Variants in HDAC9 observed in about 807,000 individuals in gnomAD.
HDAC9 encodes histone deacetylase 9.
Under a neutral mutation model 139.4 loss-of-function variants are expected in HDAC9, and 41 were observed. The observed-to-expected ratio is 0.29, with a 90% confidence interval of 0.23 to 0.38. HDAC9 has a LOEUF of 0.38. Among genes scored for constraint, HDAC9 ranks in the 10% least tolerant of loss-of-function variants. The pLI is 1.00. For synonymous variants in HDAC9, 517 were observed against 476.2 expected, an observed-to-expected ratio of 1.09 and a Z score of -1.12; for missense variants, 1,147 against 1,297.0, an observed-to-expected ratio of 0.88 and a Z score of 1.78.
intron 1 of HDAC9, among the ~76,000 whole-genome samples, chr7:18,447,659 C>T (rs1766802285): frequency 6.6e-6 from 1 of 152,180 alleles, no homozygotes; most frequent in South Asian, 2.1e-4. Flanking sequence ...TTTTTGTTAA[C>T]TATGCTTTAT....
chr7:18,188,974 C>G (rs967873535), intron 2 of HDAC9, among the ~76,000 whole-genome samples: 1 of 152,058 alleles, frequency 6.6e-6, no homozygotes, highest in African/African-American at 2.4e-5. Flanking sequence ...ACCATTTGAC[C>G]CAGCAATCCC....
chr7:18,621,725 A>G (rs1463801813), intron 6 of HDAC9, among the ~76,000 whole-genome samples: 1 of 152,210 alleles, frequency 6.6e-6, no homozygotes, highest in African/African-American at 2.4e-5. Flanking sequence ...AATTCATAAC[A>G]TTAAAGGTTC....
chr7:18,372,020 C>G (rs1585433287), intron 1 of HDAC9, among the ~76,000 whole-genome samples: 1 of 152,170 alleles, frequency 6.6e-6, no homozygotes, highest in Non-Finnish European at 1.5e-5. Flanking sequence ...CCTGCAATGA[C>G]ATGGATGATC....
chr7:18,843,861 C>T (rs1796740916), intron 21 of HDAC9, among the ~76,000 whole-genome samples: 1 of 152,090 alleles, frequency 6.6e-6, no homozygotes, highest in South Asian at 2.1e-4. Context: ...TTAAAATTTA[C>T]ATATTGACTT....
chr7:18,820,791 A>G (rs972673808), intron 17 of HDAC9, among the ~76,000 whole-genome samples: 3 of 152,224 alleles, frequency 2.0e-5, no homozygotes, highest in Non-Finnish European at 4.4e-5. Flanking sequence ...TGTAATAAAC[A>G]TAATAACAAC....
chr7:18,882,319 A>G (rs1481914317), intron 22 of HDAC9, among the ~76,000 whole-genome samples: 5 of 152,102 alleles, frequency 3.3e-5, no homozygotes, highest in Non-Finnish European at 7.4e-5. Flanking sequence ...ACTGCTTCTG[A>G]CAATGGACAC....
At chr7:18,869,632 G>T (rs1410473480) in intron 21 of HDAC9, among the ~76,000 whole-genome samples, 1 of 152,152 alleles carries the variant, frequency 6.6e-6, no homozygotes, top group South Asian at 2.1e-4. Context: ...ACTATCTCCA[G>T]GTAGATAGCG....
At chr7:18,878,186 C>T (rs1799463179) in intron 22 of HDAC9, among the ~76,000 whole-genome samples, 1 of 152,096 alleles carries the variant, frequency 6.6e-6, no homozygotes, top group African/African-American at 2.4e-5. Flanking sequence ...GTGTTGTTAA[C>T]ATTTTTTTTT....
chr7:18,542,949 G>T (rs1813495527), intron 2 of HDAC9, among the ~76,000 whole-genome samples: 1 of 152,122 alleles, frequency 6.6e-6, no homozygotes, highest in African/African-American at 2.4e-5. Context: ...ATAGCTCATG[G>T]TATATTTATG....
chr7:18,558,845 A>C (rs956351586), intron 2 of HDAC9, among the ~76,000 whole-genome samples: 1 of 152,218 alleles, frequency 6.6e-6, no homozygotes, highest in African/African-American at 2.4e-5. Context: ...TAGCTCAACC[A>C]GCTGCATGGA....
intron 2 of HDAC9, among the ~76,000 whole-genome samples, chr7:18,527,215 T>G (rs112029872): frequency 6.6e-6 from 1 of 152,272 alleles, no homozygotes; most frequent in Non-Finnish European, 1.5e-5. Context: ...ATGTTCTTCT[T>G]TTACCTTTTG....
At chr7:18,919,978 G>A (rs964633845) in intron 22 of HDAC9, among the ~76,000 whole-genome samples, 27 of 151,972 alleles carry the variant, frequency 1.8e-4, no homozygotes, top group African/African-American at 5.6e-4. Flanking sequence ...TTGGCAATGC[G>A]GGCTCTTTTT....
At chr7:18,211,517 A>G (rs1791935392) in intron 2 of HDAC9, among the ~76,000 whole-genome samples, 1 of 152,184 alleles carries the variant, frequency 6.6e-6, no homozygotes, top group Non-Finnish European at 1.5e-5. Context: ...ATTATTGTAC[A>G]GTATTCTATG....
chr7:18,503,617 A>G (rs1004007810), intron 2 of HDAC9, among the ~76,000 whole-genome samples: 19 of 152,314 alleles, frequency 1.2e-4, no homozygotes, highest in South Asian at 4.1e-4. Flanking sequence ...ATACCCATTA[A>G]TTAAATCCAA....
rs1293918927 is a variant in HDAC9 at position 18,152,130 on chromosome 7, A to G, written c.-96-10099A>G. On this transcript the variant is annotated intron_variant, in intron 1 of 12. Coordinates refer to the HDAC9 transcript ENST00000417496. Reference sequence around the variant, plus strand: ...TTTTTTTTTTTTAAAGAAAATAGCTATCAGGGCTGCAGTGTTTCACAATTT... The same window carrying G: ...TTTTTTTTTTTTAAAGAAAATAGCTGTCAGGGCTGCAGTGTTTCACAATTT... Among the ~76,000 whole-genome samples, 6 of 151,006 alleles carry G rather than the reference A, an allele frequency of 4.0e-5. No homozygotes were observed. The East Asian group carries it at 9.7e-4, about 25-fold the overall frequency.
At chr7:18,657,062 G>A (rs1005739195) in intron 11 of HDAC9, among the ~76,000 whole-genome samples, 9 of 151,970 alleles carry the variant, frequency 5.9e-5, no homozygotes, top group African/African-American at 2.2e-4. Context: ...TTTTCATATG[G>A]TGTTGGCCAT....
At chr7:18,964,951 T>C (rs1211109458) in intron 24 of HDAC9, among the ~76,000 whole-genome samples, 2 of 152,224 alleles carry the variant, frequency 1.3e-5, no homozygotes, top group East Asian at 3.9e-4. Flanking sequence ...GAATGCAATT[T>C]GGTTTCCCAT....
intron 1 of HDAC9, among the ~76,000 whole-genome samples, chr7:18,343,155 G>T (rs919550737): frequency 1.3e-5 from 2 of 151,540 alleles, no homozygotes; most frequent in Non-Finnish European, 3.0e-5. Context: ...AGTAAAAGTT[G>T]GGCTGTTAAA....
intron 1 of HDAC9, among the ~76,000 whole-genome samples, chr7:18,134,194 C>T (rs973022168): frequency 2.0e-5 from 3 of 152,088 alleles, no homozygotes; most frequent in Non-Finnish European, 4.4e-5. Context: ...GTTCAACTCC[C>T]CTTAGCAAGA....
Sources: gnomAD v4.1 joint callset for allele counts (sites outside exome capture counted in the v4.1 genomes callset) on GRCh38, gnomAD v4.1.1 for gene constraint, MANE v1.5 for transcripts, NCBI Gene and HGNC (gene_info 2026-07-23, HGNC 2026-07-21) for gene names.